Variants in NKAIN2 observed in about 807,000 individuals in gnomAD.
The protein encoded by NKAIN2 is sodium/potassium transporting ATPase interacting 2.
A neutral mutation model predicts 32.6 loss-of-function variants in NKAIN2; 14 were observed. That is an observed-to-expected ratio of 0.43 (90% CI 0.28 to 0.67). NKAIN2 has a LOEUF of 0.67. Ranked by LOEUF, NKAIN2 falls within the 30% of genes least tolerant of loss-of-function variation. The pLI is 0.17. For synonymous variants in NKAIN2, 80 were observed against 87.2 expected (o/e 0.92, Z 0.46); for missense variants, 198 against 258.3 (o/e 0.77, Z 1.60).
At chr6:124,151,512 T>C (rs1787723665) in intron 1 of NKAIN2, among the ~76,000 whole-genome samples, 1 of 152,028 alleles carries the variant, frequency 6.6e-6, no homozygotes, top group Non-Finnish European at 1.5e-5. Context: ...GGTGGACATA[T>C]GAACTAATTT....
intron 3 of NKAIN2, among the ~76,000 whole-genome samples, chr6:124,464,456 T>G (rs1776661652): frequency 6.6e-6 from 1 of 151,958 alleles, no homozygotes; most frequent in Non-Finnish European, 1.5e-5. Context: ...GCCTAAATTG[T>G]TACTTAGTGA....
intron 3 of NKAIN2, among the ~76,000 whole-genome samples, chr6:124,517,735 GT>G (rs1429077081): frequency 3.3e-5 from 5 of 152,004 alleles, no homozygotes; most frequent in Non-Finnish European, 5.9e-5. Context: ...TTGATTCTGA[GT>G]TTTTAAAATG....
At chr6:124,526,086 G>T (rs1486235673) in intron 3 of NKAIN2, among the ~76,000 whole-genome samples, 2 of 152,110 alleles carry the variant, frequency 1.3e-5, no homozygotes, top group Non-Finnish European at 2.9e-5. Context: ...ATATGAAGTA[G>T]AATATGCAAT....
intron 4 of NKAIN2, among the ~76,000 whole-genome samples, chr6:124,731,721 A>G (rs1380829704): frequency 6.6e-6 from 1 of 152,070 alleles, no homozygotes; most frequent in Non-Finnish European, 1.5e-5. Flanking sequence ...TAAAAAAAAA[A>G]AGAATGTGGA....
At chr6:124,441,439 G>A (rs994539618) in intron 3 of NKAIN2, among the ~76,000 whole-genome samples, 3 of 152,046 alleles carry the variant, frequency 2.0e-5, no homozygotes, top group African/African-American at 7.2e-5. Context: ...ACACTGGCAG[G>A]AGTGAAGTTA....
chr6:124,098,425 A>G (rs1784735514), intron 1 of NKAIN2, among the ~76,000 whole-genome samples: 1 of 152,302 alleles, frequency 6.6e-6, no homozygotes, highest in East Asian at 1.9e-4. Flanking sequence ...CATAATACTG[A>G]GTAATTAAAT....
chr6:124,815,926 A>G (rs775571614), intron 5 of NKAIN2, among the ~76,000 whole-genome samples: 1 of 152,196 alleles, frequency 6.6e-6, no homozygotes, highest in Non-Finnish European at 1.5e-5. Context: ...TGCGATAAAT[A>G]TGATAACTCC....
chr6:124,790,116 T>C (rs111768832), intron 4 of NKAIN2, among the ~76,000 whole-genome samples: 34 of 152,270 alleles, frequency 2.2e-4, no homozygotes, highest in African/African-American at 7.2e-4. Context: ...CAGTTCTTTT[T>C]GGAAGATAGC....
chr6:124,098,224 C>A (rs1318247202), intron 1 of NKAIN2, among the ~76,000 whole-genome samples: 2 of 152,144 alleles, frequency 1.3e-5, no homozygotes, highest in Non-Finnish European at 1.5e-5. Context: ...CCTTATTAGA[C>A]TTTAATTATA....
At chr6:124,812,976 TAC>T (rs1780970914) in intron 5 of NKAIN2, among the ~76,000 whole-genome samples, 1 of 152,128 alleles carries the variant, frequency 6.6e-6, no homozygotes, top group Non-Finnish European at 1.5e-5. Context: ...GCATTGAAAT[TAC>T]ACAGACAATA....
At chr6:124,415,291 G>C (rs368113579) in intron 3 of NKAIN2, among the ~76,000 whole-genome samples, 1 of 152,316 alleles carries the variant, frequency 6.6e-6, no homozygotes, top group East Asian at 1.9e-4. Context: ...TCCCCTTCTT[G>C]AAGTTGACTA....
At chr6:124,356,113 G>A (rs1042988493) in intron 3 of NKAIN2, among the ~76,000 whole-genome samples, 1 of 152,142 alleles carries the variant, frequency 6.6e-6, no homozygotes, top group South Asian at 2.1e-4. Flanking sequence ...ATTGTAAAAT[G>A]TTCTTTTACT....
intron 3 of NKAIN2, among the ~76,000 whole-genome samples, chr6:124,458,473 G>T (rs958639693): frequency 9.3e-4 from 142 of 151,912 alleles, no homozygotes; most frequent in African/African-American, 3.3e-3. Flanking sequence ...TGTTGGATCT[G>T]TATATCATTA....
At chr6:124,687,364 C>CAT (rs1773978747) in intron 4 of NKAIN2, among the ~76,000 whole-genome samples, 1 of 116,054 alleles carries the variant, frequency 8.6e-6, no homozygotes, top group African/African-American at 3.2e-5. Context: ...ATATTCCATA[C>CAT]ATACACATAC....
At chr6:123,895,968 A>G (rs1484039630) in intron 1 of NKAIN2, among the ~76,000 whole-genome samples, 1 of 152,228 alleles carries the variant, frequency 6.6e-6, no homozygotes, top group Non-Finnish European at 1.5e-5. Context: ...CAGATTCAGT[A>G]TCATGCATAT....
chr6:123,926,601 G>A (rs904693427), intron 1 of NKAIN2, among the ~76,000 whole-genome samples: 1 of 152,004 alleles, frequency 6.6e-6, no homozygotes, highest in Non-Finnish European at 1.5e-5. Context: ...CACCTGCCTC[G>A]CAACACTCTT....
chr6:124,242,172 A>G (rs1356815426), intron 1 of NKAIN2, among the ~76,000 whole-genome samples: 1 of 152,194 alleles, frequency 6.6e-6, no homozygotes, highest in African/African-American at 2.4e-5. Context: ...AATATCCACA[A>G]TCTACAAGGA....
Position 124,808,333 on chromosome 6 carries a change from C to T in NKAIN2, c.536-10054C>T, listed in dbSNP as rs1441188618. 9.2e-5 allele frequency among the ~76,000 whole-genome samples: 14 copies of T among 152,066 alleles called. No individual in the cohort carries two copies. In the East Asian group the frequency reaches 9.7e-4, roughly 10 times the overall value. On this transcript the variant is annotated intron_variant, in intron 5 of 6. Transcript: ENST00000368417. The stretch of plus-strand genomic sequence containing the variant: ...TGGGATGCAAGGCTGGTTCAATATA[C>T]GCAAATCAATAAATGTAATCCAGCA...
At chr6:124,804,997 G>A (rs746703480) in intron 5 of NKAIN2, among the ~76,000 whole-genome samples, 19 of 152,200 alleles carry the variant, frequency 1.2e-4, no homozygotes, top group African/African-American at 1.7e-4. Context: ...CGGGAAGCTC[G>A]AACTGGGTGG....
Sources: allele counts gnomAD v4.1 joint callset (sites outside exome capture counted in the v4.1 genomes callset), GRCh38; gene constraint gnomAD v4.1.1; transcripts MANE v1.5; gene names NCBI Gene and HGNC (gene_info 2026-07-23, HGNC 2026-07-21).